Variants in MCPH1 observed in about 807,000 individuals in gnomAD.
The protein encoded by MCPH1 is microcephalin.
Under a neutral mutation model 84.5 loss-of-function variants are expected in MCPH1, and 104 were observed. That is an observed-to-expected ratio of 1.23 (90% CI 1.05 to 1.45). The LOEUF (loss-of-function observed/expected upper bound fraction) is 1.45, where lower values mean the gene tolerates loss of function less well. MCPH1 is among the 40% of genes most tolerant of loss of function. MCPH1 has a pLI of 0.00. For missense variants in MCPH1, 1,498 were observed against 1,005.7 expected, an observed-to-expected ratio of 1.49 and a Z score of -6.62; for synonymous variants, 514 against 366.8, an observed-to-expected ratio of 1.40 and a Z score of -4.58.
chr8:6,409,127 C>G (rs1169858424), intron 1 of MCPH1, 152 bp from the exon 2 acceptor site: 1 of 685,970 alleles, frequency 1.5e-6, no homozygotes, highest in Admixed American at 2.1e-5. Flanking sequence ...CTTCGTGGAT[C>G]CACCCACTTC....
At chr8:6,464,885 G>T (rs1405876762) in intron 9 of MCPH1, among the ~76,000 whole-genome samples, 1 of 152,252 alleles carries the variant, frequency 6.6e-6, no homozygotes, top group East Asian at 1.9e-4. Context: ...TGTAGTCCCA[G>T]CTACTCGGGA....
intron 8 of MCPH1, among the ~76,000 whole-genome samples, chr8:6,449,923 G>T (rs1364948335): frequency 1.3e-5 from 2 of 152,184 alleles, no homozygotes; most frequent in East Asian, 1.9e-4. Context: ...TGCACAGCTT[G>T]GCTTCTAGTT....
At chr8:6,419,235 T>C (rs1043612587) in intron 3 of MCPH1, among the ~76,000 whole-genome samples, 1 of 151,858 alleles carries the variant, frequency 6.6e-6, no homozygotes, top group Admixed American at 6.6e-5. Flanking sequence ...TTTTTGTTTT[T>C]TGAAGACAGG....
chr8:6,472,917 C>A (rs1431823522), intron 9 of MCPH1, among the ~76,000 whole-genome samples: 1 of 152,160 alleles, frequency 6.6e-6, no homozygotes, highest in Non-Finnish European at 1.5e-5. Flanking sequence ...ATCAAAGTGA[C>A]TGTAAAAGGT....
At chr8:6,529,614 G>C (rs940489906) in intron 12 of MCPH1, among the ~76,000 whole-genome samples, 1 of 146,860 alleles carries the variant, frequency 6.8e-6, no homozygotes, top group Non-Finnish European at 1.5e-5. Flanking sequence ...ACACAAGCAC[G>C]CCTGGCTAAT....
chr8:6,472,775 G>A (rs897306414), intron 9 of MCPH1, among the ~76,000 whole-genome samples: 2 of 152,122 alleles, frequency 1.3e-5, no homozygotes, highest in Non-Finnish European at 2.9e-5. Context: ...GCCTCAGACA[G>A]TTTTAAGTAC....
chr8:6,488,257 T>C (rs1810166914), intron 11 of MCPH1, among the ~76,000 whole-genome samples: 1 of 152,228 alleles, frequency 6.6e-6, no homozygotes, highest in African/African-American at 2.4e-5. Flanking sequence ...AGGTGCGCAT[T>C]TCCCAGGTTG....
intron 10 of MCPH1, among the ~76,000 whole-genome samples, chr8:6,480,418 C>T (rs1210998864): frequency 3.3e-5 from 5 of 152,210 alleles, no homozygotes; most frequent in Non-Finnish European, 5.9e-5. Context: ...CGCGCCCAGC[C>T]AGGGGCCTGG....
chr8:6,430,893 A>G (rs1801740795), intron 3 of MCPH1, among the ~76,000 whole-genome samples: 1 of 152,196 alleles, frequency 6.6e-6, no homozygotes, highest in South Asian at 2.1e-4. Flanking sequence ...TTTAGACTTG[A>G]GTGACAGAAT....
chr8:6,414,786 C>G lies in MCPH1; in HGVS notation c.136C>G (p.Gln46Glu). The change falls in exon 3 of 14, where the codon CAA (glutamine) becomes GAA (glutamate). Residue 46 changes from glutamine (Q) to glutamate (E), a missense_variant. Transcript: ENST00000344683. Reference protein sequence around the residue: ...GAKVSKTFNKQVTHVIFKDGY... With the variant: ...GAKVSKTFNKEVTHVIFKDGY... The stretch of plus-strand genomic sequence containing the variant: ...ACAGGTTTCAAAAACTTTTAACAAA[C>G]AAGTAACTCACGTTATCTTCAAAGA... 1 of 1,613,780 alleles carries G rather than the reference C, an allele frequency of 6.2e-7. No homozygotes were observed. Among genetic ancestry groups the G allele is most frequent in the Non-Finnish European group, 8.5e-7 (1 of 1,179,832 alleles).
rs1032760666 is a variant in MCPH1 at position 6,626,792 on chromosome 8, G to A, written c.2452+5101G>A. 21 of 985,262 alleles carry A rather than the reference G, an allele frequency of 2.1e-5. No individual in the cohort carries two copies. In the Admixed American group the frequency reaches 5.5e-4, roughly 26 times the overall value. 61.0% of individuals were successfully genotyped at this position (985,262 alleles called of 1,614,324 possible). On this transcript the variant is annotated intron_variant, in intron 13 of 13. Transcript: ENST00000344683. ...CCTGGCGCGGTCCTCAAGGGTCTGC[G>A]ACATTTGTGCTGTGGTCAGCTCTGT...
intron 12 of MCPH1, among the ~76,000 whole-genome samples, chr8:6,535,021 C>T (rs749814501): frequency 6.6e-6 from 1 of 152,188 alleles, no homozygotes; most frequent in Non-Finnish European, 1.5e-5. Context: ...TAAAAAGTTT[C>T]ATTCCGGGAG....
At chr8:6,587,794 G>T (rs569615104) in intron 12 of MCPH1, among the ~76,000 whole-genome samples, 1 of 152,298 alleles carries the variant, frequency 6.6e-6, no homozygotes, top group African/African-American at 2.4e-5. Flanking sequence ...CACAGACATG[G>T]ACTAAGTTAA....
intron 3 of MCPH1, among the ~76,000 whole-genome samples, chr8:6,427,742 C>G (rs1801261713): frequency 6.6e-6 from 1 of 151,690 alleles, no homozygotes; most frequent in Admixed American, 6.6e-5. Flanking sequence ...AAAAAAAACA[C>G]CTAGGTTATG....
At chr8:6,496,534 C>A (rs570752236) in intron 11 of MCPH1, among the ~76,000 whole-genome samples, 1 of 149,138 alleles carries the variant, frequency 6.7e-6, no homozygotes, top group Non-Finnish European at 1.5e-5. Flanking sequence ...CGCCCCCCTT[C>A]CCCCGCCTTT....
chr8:6,634,886 G>C (rs1022437219), intron 13 of MCPH1: 1 of 152,200 alleles, frequency 6.6e-6, no homozygotes, highest in Non-Finnish European at 1.5e-5. Flanking sequence ...ACACTGTCTT[G>C]AATTGCACGC....
chr8:6,440,426 C>G (rs887527032), intron 6 of MCPH1, among the ~76,000 whole-genome samples: 1 of 152,282 alleles, frequency 6.6e-6, no homozygotes, highest in South Asian at 2.1e-4. Context: ...TAGAGTCTCC[C>G]TGTGTTGCGC....
At chr8:6,527,938 C>T (rs975357480) in intron 12 of MCPH1, among the ~76,000 whole-genome samples, 3 of 147,394 alleles carry the variant, frequency 2.0e-5, no homozygotes, top group South Asian at 2.2e-4. Context: ...CTCCATTGCC[C>T]GGGGTGGAGT....
rs943856475 is a variant in MCPH1 at position 6,466,101 on chromosome 8, C to T, written c.1935+10849C>T. On this transcript the variant is annotated intron_variant, in intron 9 of 13. Transcript: ENST00000344683. ...TCCCGAGTAGCTGGGACTACAGGCCCGTGCCACTACACCTGGCTAATTTTT... is the reference window on the plus strand; with the variant it reads ...TCCCGAGTAGCTGGGACTACAGGCCTGTGCCACTACACCTGGCTAATTTTT... Among the ~76,000 whole-genome samples the T allele has an allele frequency of 2.8e-4, 42 of 151,316 alleles. 1 individual carries two copies. Among genetic ancestry groups the T allele is most frequent in the Admixed American group, 2.6e-3 (39 of 15,182 alleles).
Sources: gnomAD v4.1 joint callset for allele counts (sites outside exome capture counted in the v4.1 genomes callset) on GRCh38, gnomAD v4.1.1 for gene constraint, MANE v1.5 for transcripts, NCBI Gene and HGNC (gene_info 2026-07-23, HGNC 2026-07-21) for gene names.